FRMPD4: variants seen among roughly 807,000 people sequenced by gnomAD.
FRMPD4 encodes the protein FERM and PDZ domain-containing protein 4.
A neutral mutation model predicts 94.1 loss-of-function variants in FRMPD4; 22 were observed. The observed-to-expected ratio is 0.23, with a 90% CI of 0.17 to 0.33. The LOEUF is 0.33. Among genes scored for constraint, FRMPD4 ranks in the 10% least tolerant of loss-of-function variants. FRMPD4 has a pLI of 1.00. For synonymous variants in FRMPD4, 631 were observed against 548.6 expected (o/e 1.15, Z -2.10); for missense variants, 1,111 against 1,339.9 (o/e 0.83, Z 2.67).
At chrX:12,146,921 G>C (rs1166741270) in intron 1 of FRMPD4, among the ~76,000 whole-genome samples, 1 of 112,160 alleles carries the variant, frequency 8.9e-6, no homozygotes, top group Non-Finnish European at 1.9e-5. Context: ...TCAGTGTTCA[G>C]CTGACAGATG....
intron 7 of FRMPD4, among the ~76,000 whole-genome samples, chrX:12,688,998 A>G (rs2060056057): frequency 1.8e-5 from 2 of 111,056 alleles, no homozygotes; most frequent in Non-Finnish European, 3.8e-5. Context: ...CTGTCTCTGC[A>G]TTGCAAGATG....
chrX:12,306,933 A>G (rs904741699), intron 1 of FRMPD4, among the ~76,000 whole-genome samples: 7 of 112,098 alleles, frequency 6.2e-5, no homozygotes, highest in African/African-American at 2.3e-4. Flanking sequence ...CATAGGCCCA[A>G]ATGAGAATGT....
At chrX:12,062,354 GC>G (rs1440379816) in intron 3 of FRMPD4, among the ~76,000 whole-genome samples, 1 of 111,841 alleles carries the variant, frequency 8.9e-6, no homozygotes, top group Non-Finnish European at 1.9e-5. Context: ...GGGTGAAAAT[GC>G]CCAATTTTCT....
intron 1 of FRMPD4, among the ~76,000 whole-genome samples, chrX:11,851,950 C>CA (rs201359187): frequency 0.023 from 1,570 of 68,978 alleles, 21 homozygotes; most frequent in Admixed American, 0.056. Context: ...AAATATTATA[C>CA]AAAAAAAAAA....
intron 3 of FRMPD4, among the ~76,000 whole-genome samples, chrX:12,126,907 T>C (rs1175612235): frequency 3.6e-5 from 4 of 111,779 alleles, no homozygotes; most frequent in Non-Finnish European, 7.5e-5. Context: ...TCCTCTCCTT[T>C]ATCCACCCAT....
At chrX:12,210,305 A>G (rs190567198) in intron 1 of FRMPD4, among the ~76,000 whole-genome samples, 1 of 111,837 alleles carries the variant, frequency 8.9e-6, no homozygotes, top group East Asian at 2.8e-4. Context: ...CAAAGGGGAA[A>G]ATCAGTTGAA....
intron 1 of FRMPD4, among the ~76,000 whole-genome samples, chrX:12,449,014 GAATT>G (rs1569280224): frequency 9.0e-6 from 1 of 111,627 alleles, no homozygotes; most frequent in Non-Finnish European, 1.9e-5. Flanking sequence ...AGGCTTAAAG[GAATT>G]AATTCTCTAT....
At chrX:12,563,477 T>C (rs12689143) in intron 2 of FRMPD4, among the ~76,000 whole-genome samples, 48,607 of 110,385 alleles carry the variant, frequency 0.44, 8,091 homozygotes, top group Non-Finnish European at 0.53. Flanking sequence ...TAAACACAAA[T>C]TCTCTCTGGG....
At chrX:12,231,050 AAT>A (rs34870506) in intron 1 of FRMPD4, among the ~76,000 whole-genome samples, 50 of 30,501 alleles carry the variant, frequency 1.6e-3, no homozygotes, top group Middle Eastern at 0.014. Flanking sequence ...ATATATATAA[AAT>A]ATATATATAT....
intron 3 of FRMPD4, among the ~76,000 whole-genome samples, chrX:12,012,207 T>C (rs1025156480): frequency 6.3e-5 from 7 of 111,764 alleles, no homozygotes; most frequent in Non-Finnish European, 5.6e-5. Context: ...CCCTGAATGC[T>C]TTTTATTTCA....
At chrX:11,862,783 T>A (rs1448113248) in intron 1 of FRMPD4, among the ~76,000 whole-genome samples, 2 of 110,914 alleles carry the variant, frequency 1.8e-5, no homozygotes, top group East Asian at 5.7e-4. Context: ...TCAGTTCTCT[T>A]AGCTTGCTGA....
Position 12,716,232 on chromosome X carries a change from G to A in FRMPD4, c.1773G>A (p.Glu591=). 8.3e-7 allele frequency: 1 copy of A among 1,210,367 alleles called. No individual in the cohort carries two copies. The change falls in exon 15 of 17, where the codon GAG becomes GAA. Residue 591 remains glutamate (E), a synonymous_variant. Transcript: ENST00000675598. ...CAGACAGCACCATGTGTCCAAAAGA[G>A]CACCGGCACTTGTACATAGACAATG... ...EITDSTMCPK[E]HRHLYIDNAY...
chrX:11,869,295 AT>A (rs1380199972), intron 2 of FRMPD4, among the ~76,000 whole-genome samples: 5 of 112,162 alleles, frequency 4.5e-5, no homozygotes, highest in African/African-American at 6.5e-5. Flanking sequence ...GAAGCAATAG[AT>A]TCATTATGTG....
At chrX:12,641,405 C>A (rs1308475017) in intron 4 of FRMPD4, among the ~76,000 whole-genome samples, 1 of 111,693 alleles carries the variant, frequency 9.0e-6, no homozygotes, top group Admixed American at 9.5e-5. Context: ...CCCCTCCATG[C>A]TCTCAGGCAG....
chrX:12,243,066 G>T (rs561782839), intron 1 of FRMPD4, among the ~76,000 whole-genome samples: 2 of 112,081 alleles, frequency 1.8e-5, no homozygotes, highest in South Asian at 7.5e-4. Context: ...ATCTTTTGTA[G>T]AAATGGGATC....
Position 12,231,010 on chromosome X carries a change from G to GTATGTATATATATA in FRMPD4, c.41+92001_41+92002insGTATATATATATAT, listed in dbSNP as rs1555938195. ...GTATATATAGTATATATAATATATA[G>GTATGTATATATATA]TATATATAGTATATATATAGTATAT... On this transcript the variant is annotated intron_variant, in intron 1 of 16. Transcript: ENST00000675598. Among the ~76,000 whole-genome samples the GTATGTATATATATA allele has an allele frequency of 6.1e-4, 24 of 39,132 alleles. 1 individual carries two copies. The highest frequency in any genetic ancestry group is 7.2e-4 in the Non-Finnish European group (15 of 20,936). 34.0% of individuals were successfully genotyped at this position (39,132 alleles called of 115,157 possible). A position where few individuals can be genotyped will look rare whatever the true frequency, so the allele number is the denominator to read the frequency against.
intron 1 of FRMPD4, among the ~76,000 whole-genome samples, chrX:12,223,942 C>T (rs770314213): frequency 9.0e-6 from 1 of 111,070 alleles, no homozygotes; most frequent in Non-Finnish European, 1.9e-5. Flanking sequence ...TATCGTTTAG[C>T]GTCGAGTTTA....
intron 3 of FRMPD4, among the ~76,000 whole-genome samples, chrX:11,959,154 A>G (rs984851131): frequency 8.9e-6 from 1 of 112,767 alleles, no homozygotes; most frequent in African/African-American, 3.2e-5. Context: ...TCTGGAAAAG[A>G]TGTCAACTGA....
At chrX:12,068,453 GA>G (rs762006730) in intron 3 of FRMPD4, among the ~76,000 whole-genome samples, 63 of 111,426 alleles carry the variant, frequency 5.7e-4, no homozygotes, top group Non-Finnish European at 1.3e-4. Context: ...TTACTCTTCA[GA>G]AAAACTATAA....
Sources: gnomAD v4.1 joint callset for allele counts (sites outside exome capture counted in the v4.1 genomes callset) on GRCh38, gnomAD v4.1.1 for gene constraint, MANE v1.5 for transcripts, NCBI Gene and HGNC (gene_info 2026-07-23, HGNC 2026-07-21) for gene names.